The following CPA3 variants were observed in gnomAD, a reference collection of about 807,000 sequenced individuals.
CPA3 encodes mast cell carboxypeptidase A.
CPA3 carries 52 observed loss-of-function variants against 55.8 expected under a neutral mutation model. The observed-to-expected ratio is 0.93, with a 90% CI of 0.75 to 1.17. CPA3 has a LOEUF of 1.17. Among genes scored for constraint, CPA3 ranks in the 50% most tolerant of loss-of-function variants. The pLI is 0.00. For synonymous variants in CPA3, 179 were observed against 171.2 expected (o/e 1.05, Z -0.36); for missense variants, 547 against 509.1 (o/e 1.07, Z -0.72).
intron 3 of CPA3, among the ~76,000 whole-genome samples, chr3:148,871,683 C>G (rs1334669829): frequency 6.6e-6 from 1 of 152,072 alleles, no homozygotes; most frequent in Non-Finnish European, 1.5e-5. Context: ...ACGTCAAGTA[C>G]CAAAGTGTTA....
intron 10 of CPA3, among the ~76,000 whole-genome samples, chr3:148,890,363 C>T (rs1311215649): frequency 1.3e-5 from 2 of 152,162 alleles, no homozygotes; most frequent in Non-Finnish European, 2.9e-5. Flanking sequence ...ATCTGTGAGT[C>T]ACATCATGAA....
At chr3:148,872,514 A>G (rs1375223403) in intron 3 of CPA3, among the ~76,000 whole-genome samples, 1 of 152,222 alleles carries the variant, frequency 6.6e-6, no homozygotes, top group African/African-American at 2.4e-5. Context: ...ATTATGTGAG[A>G]AATGCAAAAG....
intron 10 of CPA3, 87 bp downstream of exon 10, chr3:148,886,264 T>C: frequency 1.1e-6 from 1 of 872,046 alleles, no homozygotes; most frequent in Non-Finnish European, 1.8e-6. Context: ...GCAATTTAGG[T>C]TAGAGCATCT....
chr3:148,879,903 A>C lies in CPA3; in HGVS notation c.576+14A>C. The C allele has an allele frequency of 6.4e-7, 1 of 1,563,778 alleles. No homozygotes were observed. The highest frequency in any genetic ancestry group is 8.8e-7 in the Non-Finnish European group (1 of 1,134,676). The stretch of plus-strand genomic sequence containing the variant: ...TTTGTCTATCAGGTAAGTGAATCAG[A>C]AGACTCCCAATTCTCCTTTGACTGC... On this transcript the variant is annotated intron_variant, in intron 6 of 10. Transcript: ENST00000296046.
chr3:148,896,364 T>C (rs927363467), intron 10 of CPA3, among the ~76,000 whole-genome samples, 156 bp from the exon 11 acceptor site: 1 of 152,228 alleles, frequency 6.6e-6, no homozygotes, highest in Non-Finnish European at 1.5e-5. Flanking sequence ...TGCTTTACTA[T>C]GCACTCTGTA....
intron 10 of CPA3, among the ~76,000 whole-genome samples, chr3:148,892,884 G>T (rs12634616): frequency 0.47 from 66,500 of 141,444 alleles, 16,734 homozygotes; most frequent in Non-Finnish European, 0.58. Flanking sequence ...GGACCTGGGA[G>T]GCAGAGGTTG....
intron 3 of CPA3, among the ~76,000 whole-genome samples, chr3:148,877,675 C>G (rs1033863442): frequency 2.0e-5 from 3 of 152,056 alleles, no homozygotes; most frequent in African/African-American, 4.8e-5. Context: ...CACTTTGTAC[C>G]TCATTTTTCT....
intron 10 of CPA3, among the ~76,000 whole-genome samples, chr3:148,888,255 A>G (rs1714584987): frequency 6.6e-6 from 1 of 152,248 alleles, no homozygotes; most frequent in South Asian, 2.1e-4. Flanking sequence ...CAACATATAC[A>G]GTTTCTAGGA....
Position 148,886,088 on chromosome 3 carries a change from T to C in CPA3, c.982-5T>C. On this transcript the variant is annotated splice_region_variant and splice_polypyrimidine_tract_variant and intron_variant, in intron 9 of 10. Coordinates refer to ENST00000296046, the MANE Select transcript of CPA3 (RefSeq NM_001870.4). ...TATTTCACTCTAACTTTCCTTTCTC[T>C]CCAGGCCAAAGTTGCAAAGATTGGC... 1 of 1,609,454 alleles carries C rather than the reference T, an allele frequency of 6.2e-7. No homozygotes were observed. Among genetic ancestry groups the C allele is most frequent in the South Asian group, 1.1e-5 (1 of 90,842 alleles).
intron 10 of CPA3, among the ~76,000 whole-genome samples, chr3:148,889,362 G>A (rs1714610278): frequency 1.3e-5 from 2 of 151,984 alleles, no homozygotes; most frequent in African/African-American, 2.4e-5. Context: ...TCCTGTCTTC[G>A]ACTTGATGAA....
intron 10 of CPA3, 111 bp downstream of exon 10, chr3:148,886,288 T>A: frequency 1.5e-6 from 1 of 685,426 alleles, no homozygotes; most frequent in Non-Finnish European, 2.5e-6. Flanking sequence ...ATTGCTAATT[T>A]AAATTCTACT....
At chr3:148,883,468 T>C (rs1446043641) in intron 8 of CPA3, 145 bp from the exon 9 acceptor site, 2 of 635,760 alleles carry the variant, frequency 3.1e-6, no homozygotes, top group Non-Finnish European at 5.5e-6. Context: ...GTAGTGACTA[T>C]GATACAAGAG....
At chr3:148,892,856 T>TAGTCCTGGCTACTTGGGAGGCTG (rs58822169) in intron 10 of CPA3, among the ~76,000 whole-genome samples, 11 of 151,016 alleles carry the variant, frequency 7.3e-5, no homozygotes, top group East Asian at 2.0e-4. Context: ...CAGGCGCCTG[T>TAGTCCTGGCTACTTGGGAGGCTG]AGAGAGGAGA....
chr3:148,896,317 C>T (rs956638929), intron 10 of CPA3, among the ~76,000 whole-genome samples: 9 of 152,126 alleles, frequency 5.9e-5, no homozygotes, highest in Non-Finnish European at 1.0e-4. Flanking sequence ...ATTTTTTAAA[C>T]GCAGCACACA....
intron 3 of CPA3, among the ~76,000 whole-genome samples, chr3:148,874,839 T>TAC (rs1714165528): frequency 1.3e-5 from 2 of 152,246 alleles, no homozygotes. Flanking sequence ...GTCAAACATC[T>TAC]ACATACCATC....
intron 3 of CPA3, among the ~76,000 whole-genome samples, chr3:148,875,264 A>C (rs1211830476): frequency 6.6e-6 from 1 of 152,268 alleles, no homozygotes; most frequent in South Asian, 2.1e-4. Context: ...TGTGCATTTC[A>C]TTACCAAAAG....
At chr3:148,891,690 A>G (rs1336919031) in intron 10 of CPA3, among the ~76,000 whole-genome samples, 2 of 152,160 alleles carry the variant, frequency 1.3e-5, no homozygotes, top group Non-Finnish European at 2.9e-5. Flanking sequence ...ATATATTCTC[A>G]ATCACCACTA....
chr3:148,892,057 T>C (rs1441514677), intron 10 of CPA3, among the ~76,000 whole-genome samples: 1 of 152,142 alleles, frequency 6.6e-6, no homozygotes, highest in African/African-American at 2.4e-5. Context: ...CTTCTTGCCA[T>C]TCCTTTGGCT....
At chr3:148,882,424 C>A in intron 7 of CPA3, 81 bp from the exon 8 acceptor site, 2 of 1,125,174 alleles carry the variant, frequency 1.8e-6, no homozygotes, top group African/African-American at 1.5e-5. Flanking sequence ...GTTGCAGACA[C>A]CTGCAGAGAG....
Sources: gnomAD v4.1 joint callset for allele counts (sites outside exome capture counted in the v4.1 genomes callset) on GRCh38, gnomAD v4.1.1 for gene constraint, MANE v1.5 for transcripts, NCBI Gene and HGNC (gene_info 2026-07-23, HGNC 2026-07-21) for gene names.